Variants in ABCG8 observed in about 807,000 individuals in gnomAD.
The protein encoded by ABCG8 is ATP binding cassette subfamily G member 8.
Under a neutral mutation model 71.3 loss-of-function variants are expected in ABCG8, and 81 were observed. That is an observed-to-expected ratio of 1.14 (90% CI 0.95 to 1.37). ABCG8 has a LOEUF of 1.37. ABCG8 is among the 40% of genes most tolerant of loss of function. The probability of loss-of-function intolerance (pLI) is 0.00; values close to 1 mark genes in which losing one functional copy is unlikely to be tolerated. For missense variants in ABCG8, 1,119 were observed against 866.2 expected, an observed-to-expected ratio of 1.29 and a Z score of -3.66; for synonymous variants, 451 against 354.7, an observed-to-expected ratio of 1.27 and a Z score of -3.05.
At chr2:43,871,944 G>A in intron 6 of ABCG8, 32 bp from the exon 7 acceptor site, 6 of 1,613,644 alleles carry the variant, frequency 3.7e-6, no homozygotes, top group Non-Finnish European at 4.2e-6. Context: ...CAGGGAACAG[G>A]CCACCTGTGA....
In ABCG8 at chr2:43,877,601, T is replaced by G. The variant is rs1670002647; in HGVS notation, c.1797T>G (p.Cys599Trp). Residue 599 changes from cysteine (C) to tryptophan (W), a missense_variant, in exon 12 of 13, where the codon TGT becomes TGG. Transcript: ENST00000272286. ...CCAAAGTGTCCTTCCTGCGGTGGTG[T>G]TTTGAAGGGCTGATGAAGATTCAGT... ...WISKVSFLRW[C>W]FEGLMKIQFS... The G allele has an allele frequency of 6.2e-7, 1 of 1,613,992 alleles. No homozygotes were observed. The highest frequency in any genetic ancestry group is 8.5e-7 in the Non-Finnish European group (1 of 1,179,968).
intron 6 of ABCG8, among the ~76,000 whole-genome samples, chr2:43,869,843 C>G (rs1669696116): frequency 6.6e-6 from 1 of 151,800 alleles, no homozygotes; most frequent in Admixed American, 6.6e-5. Context: ...CACTATCTGT[C>G]TGGATGGAAC....
chr2:43,858,106 C>G (rs371480046), intron 6 of ABCG8, among the ~76,000 whole-genome samples: 3 of 151,606 alleles, frequency 2.0e-5, no homozygotes, highest in African/African-American at 7.3e-5. Context: ...GGAACTCTCA[C>G]TATTTATCTG....
intron 3 of ABCG8, 48 bp from the exon 4 acceptor site, chr2:43,851,536 G>T: frequency 6.2e-7 from 1 of 1,600,436 alleles, no homozygotes; most frequent in Non-Finnish European, 8.6e-7. Flanking sequence ...TGACAGCCTG[G>T]CCCCCACAGA....
chr2:43,846,333 G>A (rs1243845377), intron 3 of ABCG8, 22 bp downstream of exon 3: 12 of 1,613,910 alleles, frequency 7.4e-6, no homozygotes, highest in Non-Finnish European at 9.3e-6. Context: ...GCAAATCGCT[G>A]GGCAATGGTT....
At chr2:43,872,913 AG>A (rs1669831026) in intron 8 of ABCG8, among the ~76,000 whole-genome samples, 1 of 152,168 alleles carries the variant, frequency 6.6e-6, no homozygotes, top group Non-Finnish European at 1.5e-5. Context: ...CAGCCCTCAA[AG>A]AAAGCCAGAC....
chr2:43,840,242 G>A (rs767077407), intron 1 of ABCG8, among the ~76,000 whole-genome samples: 1 of 152,176 alleles, frequency 6.6e-6, no homozygotes, highest in Non-Finnish European at 1.5e-5. Context: ...CCAGACCCAA[G>A]GAGCCCACCA....
chr2:43,858,300 C>G (rs920571012), intron 6 of ABCG8, among the ~76,000 whole-genome samples: 1 of 150,704 alleles, frequency 6.6e-6, no homozygotes, highest in Non-Finnish European at 1.5e-5. Context: ...AATTCTTATT[C>G]TCTGGATAAA....
At chr2:43,846,874 A>G (rs1433272278) in intron 3 of ABCG8, 1 of 185,552 alleles carries the variant, frequency 5.4e-6, no homozygotes. Flanking sequence ...AACAGAGGTC[A>G]TTCTCATCAT....
At chr2:43,872,525 C>A (rs932693144) in intron 8 of ABCG8, among the ~76,000 whole-genome samples, 1 of 152,216 alleles carries the variant, frequency 6.6e-6, no homozygotes, top group Non-Finnish European at 1.5e-5. Flanking sequence ...AGTTCGAGAC[C>A]AGCCTGGGCA....
In ABCG8 at chr2:43,879,518, G is replaced by C. The variant is rs546668776; in HGVS notation, c.*1605G>C. 1 of 152,134 alleles carries C rather than the reference G, an allele frequency of 6.6e-6. No individual in the cohort carries two copies. The highest frequency in any genetic ancestry group is 6.5e-5 in the Admixed American group (1 of 15,270). 9.4% of individuals were successfully genotyped at this position (152,134 alleles called of 1,614,324 possible). On this transcript the variant is annotated 3_prime_UTR_variant, in exon 13 of 13. Coordinates refer to ENST00000272286, the MANE Select transcript of ABCG8 (RefSeq NM_022437.3). The stretch of plus-strand genomic sequence containing the variant: ...TCTGTGCACATTCAAGCATGCTGCC[G>C]TTTTCCAAAGCACTTGCAACACTCA...
intron 3 of ABCG8, 184 bp downstream of exon 3, chr2:43,846,495 G>A (rs1668747926): frequency 1.2e-6 from 1 of 850,208 alleles, no homozygotes; most frequent in African/African-American, 1.7e-5. Context: ...CCATTTGCTG[G>A]CTTGAGGGTA....
intron 6 of ABCG8, among the ~76,000 whole-genome samples, chr2:43,869,114 T>C (rs967329842): frequency 1.3e-5 from 2 of 151,280 alleles, no homozygotes; most frequent in African/African-American, 4.9e-5. Context: ...ACTATCTATC[T>C]GGATATAATT....
At chr2:43,861,762 C>T (rs1171953304) in intron 6 of ABCG8, among the ~76,000 whole-genome samples, 1 of 150,516 alleles carries the variant, frequency 6.6e-6, no homozygotes, top group Non-Finnish European at 1.5e-5. Context: ...ACATAATTCT[C>T]ACTATCCGGA....
chr2:43,839,958 G>A (rs1396934489), intron 1 of ABCG8, among the ~76,000 whole-genome samples: 1 of 152,210 alleles, frequency 6.6e-6, no homozygotes, highest in Non-Finnish European at 1.5e-5. Flanking sequence ...GCAGGAGGTG[G>A]AGGTATGTTT....
intron 11 of ABCG8, among the ~76,000 whole-genome samples, chr2:43,877,237 G>C (rs1478028218): frequency 1.3e-5 from 2 of 148,438 alleles, no homozygotes; most frequent in Non-Finnish European, 3.0e-5. Flanking sequence ...ACTGGATATG[G>C]GGGAGGCCGT....
At chr2:43,858,822 C>T (rs973750776) in intron 6 of ABCG8, among the ~76,000 whole-genome samples, 4 of 151,452 alleles carry the variant, frequency 2.6e-5, no homozygotes, top group African/African-American at 9.7e-5. Context: ...ATAGAACTCT[C>T]ACTATCTATC....
Position 43,852,658 on chromosome 2 carries a change from G to GT in ABCG8, c.755dup (p.Lys253GlufsTer23). On this transcript the variant is annotated frameshift_variant, in exon 6 of 13. Transcript: ENST00000272286. LOFTEE classifies it high-confidence loss of function. ...CGACAGCTTCACAGCCCACAACCTG[G>GT]TGAAGACCTTGTCCAGGCTGGCCAA... The GT allele has an allele frequency of 6.2e-7, 1 of 1,614,154 alleles. No individual in the cohort carries two copies. The highest frequency in any genetic ancestry group is 1.7e-5 in the Admixed American group (1 of 59,982).
chr2:43,846,039 G>A (rs373892913), intron 2 of ABCG8, 116 bp from the exon 3 acceptor site: 2 of 1,088,822 alleles, frequency 1.8e-6, no homozygotes, highest in Admixed American at 1.7e-5. Flanking sequence ...GTGTGTAGGT[G>A]AGGACATATC....
Sources: allele counts gnomAD v4.1 joint callset (sites outside exome capture counted in the v4.1 genomes callset), GRCh38; gene constraint gnomAD v4.1.1; transcripts MANE v1.5; gene names NCBI Gene and HGNC (gene_info 2026-07-23, HGNC 2026-07-21).